FAM184A: variants seen among roughly 807,000 people sequenced by gnomAD.
FAM184A encodes the protein family with sequence similarity 184 member A.
In FAM184A, 99 loss-of-function variants were observed where a neutral mutation model predicts 143.8. That is an observed-to-expected ratio of 0.69 (90% CI 0.58 to 0.81). FAM184A has a LOEUF of 0.81. FAM184A is among the 40% of genes least tolerant of loss of function. The pLI is 0.00. For synonymous variants in FAM184A, 427 were observed against 446.4 expected (o/e 0.96, Z 0.55); for missense variants, 1,217 against 1,310.5 (o/e 0.93, Z 1.10).
chr6:118,994,586 T>C (rs1404872566), intron 9 of FAM184A, among the ~76,000 whole-genome samples: 1 of 151,914 alleles, frequency 6.6e-6, no homozygotes, highest in African/African-American at 2.4e-5. Flanking sequence ...CTTGGGAGGC[T>C]GAGGCAGGAG....
Position 119,078,248 on chromosome 6 carries a change from C to G in FAM184A, c.52G>C (p.Ala18Pro). The G allele has an allele frequency of 6.6e-7, 1 of 1,519,030 alleles. No individual in the cohort carries two copies. The highest frequency in any genetic ancestry group is 8.8e-7 in the Non-Finnish European group (1 of 1,137,194). The allele number at this position is 1,519,030 out of a possible 1,614,324, so 94.1% of individuals were successfully genotyped here. The change falls in exon 1 of 18, where the codon GCC (alanine) becomes CCC (proline). Residue 18 changes from alanine (A) to proline (P), a missense_variant. Coordinates refer to ENST00000338891, the MANE Select transcript of FAM184A (RefSeq NM_024581.6). This position sits in a 1 kb window ranked among gnomAD's most constrained non-coding sequence, Gnocchi z 5.5. The stretch of plus-strand genomic sequence containing the variant: ...GTGGCCGGCGAGGGCGCGAATTTGG[C>G]CGCCGAGCCGCCGTAATAGTGCTGC... ...WQQHYYGGSA[A>P]KFAPSPATAQ... is the part of the protein sequence containing the mutation.
intron 1 of FAM184A, among the ~76,000 whole-genome samples, chr6:119,066,576 TAG>T (rs990488158): frequency 5.3e-5 from 8 of 152,144 alleles, no homozygotes; most frequent in African/African-American, 1.7e-4. Context: ...GAAGTAAGAA[TAG>T]AGAGAGCAAA....
At chr6:119,057,306 T>C (rs1787019147) in intron 1 of FAM184A, among the ~76,000 whole-genome samples, 1 of 152,180 alleles carries the variant, frequency 6.6e-6, no homozygotes, top group Admixed American at 6.5e-5. Context: ...CATGATTATA[T>C]AGTGTAAATT....
At chr6:118,996,290 G>T (rs926686189) in intron 9 of FAM184A, among the ~76,000 whole-genome samples, 1 of 152,128 alleles carries the variant, frequency 6.6e-6, no homozygotes, top group Non-Finnish European at 1.5e-5. Flanking sequence ...TCAGTTTTTT[G>T]ATTGAAGAGA....
At chr6:119,065,244 T>G (rs1787402231) in intron 1 of FAM184A, among the ~76,000 whole-genome samples, 1 of 151,994 alleles carries the variant, frequency 6.6e-6, no homozygotes, top group South Asian at 2.1e-4. Flanking sequence ...TTCCCACCCC[T>G]CAGATCACTT....
chr6:119,034,035 TATATATAG>T (rs1364886763), intron 1 of FAM184A, among the ~76,000 whole-genome samples: 514 of 34,236 alleles, frequency 0.015, 2 homozygotes, highest in African/African-American at 0.035. Context: ...TATATATATA[TATATATAG>T]AGAGAGAGAG....
At chr6:118,984,179 T>TTA (rs1306032627) in intron 9 of FAM184A, among the ~76,000 whole-genome samples, 3,681 of 134,404 alleles carry the variant, frequency 0.027, 188 homozygotes, top group African/African-American at 0.099. Context: ...ATATATATAT[T>TTA]TATATATATA....
chr6:119,003,044 T>A lies in FAM184A; in HGVS notation c.1943A>T (p.Glu648Val). Residue 648 changes from glutamate (E) to valine (V), a missense_variant, in exon 9 of 18, where the codon GAG (glutamate) becomes GTG (valine). Coordinates refer to ENST00000338891, the MANE Select transcript of FAM184A (RefSeq NM_024581.6). The stretch of plus-strand genomic sequence containing the variant: ...TAACTCTTCACGAAGTTTAGAACAC[T>A]CTTGTCTAAAATAAAACAACTGCAT... Reference protein sequence around the residue: ...EIKWTENLRQECSKLREELRL... With the variant: ...EIKWTENLRQVCSKLREELRL... 6.3e-7 allele frequency: 1 copy of A among 1,596,696 alleles called. No homozygotes were observed. The highest frequency in any genetic ancestry group is 8.5e-7 in the Non-Finnish European group (1 of 1,175,166).
intron 1 of FAM184A, among the ~76,000 whole-genome samples, chr6:119,095,738 T>G (rs958547906): frequency 1.3e-5 from 2 of 152,152 alleles, no homozygotes. Flanking sequence ...ATTTTTATTT[T>G]TATAGAGACA....
chr6:119,033,258 G>A (rs1245314062), intron 1 of FAM184A, among the ~76,000 whole-genome samples: 1 of 152,172 alleles, frequency 6.6e-6, no homozygotes, highest in Non-Finnish European at 1.5e-5. Context: ...GCTTGCTTCG[G>A]AGGTGATGAA....
intron 1 of FAM184A, among the ~76,000 whole-genome samples, chr6:119,055,472 C>A (rs1430245851): frequency 6.6e-6 from 1 of 152,156 alleles, no homozygotes; most frequent in Non-Finnish European, 1.5e-5. Flanking sequence ...AAACTGTTTA[C>A]CAAAGTGACT....
chr6:119,022,059 T>C (rs1785466372), intron 3 of FAM184A, among the ~76,000 whole-genome samples: 1 of 141,526 alleles, frequency 7.1e-6, no homozygotes, highest in African/African-American at 2.6e-5. Context: ...CTTTCTTTTT[T>C]TTTTTTTTTT....
intron 14 of FAM184A, among the ~76,000 whole-genome samples, chr6:118,969,070 C>G (rs937682852): frequency 1.3e-5 from 2 of 152,176 alleles, no homozygotes; most frequent in African/African-American, 4.8e-5. Flanking sequence ...ATTCTCATGA[C>G]AGTAACTTCT....
In FAM184A at chr6:119,003,591, T is replaced by C. The variant is rs369569160; in HGVS notation, c.1847A>G (p.Glu616Gly). Residue 616 changes from glutamate (E) to glycine (G), a missense_variant, in exon 8 of 18, where the codon GAA (glutamate) becomes GGA (glycine). Glu to Gly is a moderately conservative substitution (Grantham distance 98, BLOSUM62 -2). Coordinates refer to ENST00000338891, the MANE Select transcript of FAM184A (RefSeq NM_024581.6). Reference sequence around the variant, plus strand: ...TTCTTTCATGGCAGCAATTGTTTCTTCATGCTGTTGCCTTTCTTGTTCTAG... The same window carrying C: ...TTCTTTCATGGCAGCAATTGTTTCTCCATGCTGTTGCCTTTCTTGTTCTAG... Reference protein sequence around the residue: ...GELEQERQQHEETIAAMKEEE... With the variant: ...GELEQERQQHGETIAAMKEEE... 3.3e-5 allele frequency: 54 copies of C among 1,612,490 alleles called. No individual in the cohort carries two copies. In the Admixed American group the frequency reaches 5.3e-4, roughly 16 times the overall value.
intron 1 of FAM184A, among the ~76,000 whole-genome samples, chr6:119,093,521 T>G (rs986424881): frequency 2.6e-5 from 4 of 152,234 alleles, no homozygotes; most frequent in Non-Finnish European, 5.9e-5. Context: ...TTTCTGTAAT[T>G]CTTTCAGCAA....
At position 119,015,464 on chromosome 6, in the gene FAM184A, C is replaced by T. The variant is rs529268168; in HGVS notation, c.1530+1283G>A. Among the ~76,000 whole-genome samples, 4 of 152,312 alleles carry T rather than the reference C, an allele frequency of 2.6e-5. No individual in the cohort carries two copies. The South Asian group carries it at 6.2e-4, about 24-fold the overall frequency. ...GCCCCGGGCAGTGAGGGGCTTAGCA[C>T]CCGGGCCAGCGGCTGCGGAGGGTGT... On this transcript the variant is annotated intron_variant, in intron 5 of 17. Transcript: ENST00000338891.
rs370507684 is a variant in FAM184A at position 119,107,891 on chromosome 6, T to C, written c.-202+41187A>G. ...GTTGGAGATGCTGTTGCTGGGCAAG[T>C]GTTCCTTGGAGAACTGCTCTTAGTA... On this transcript the variant is annotated intron_variant, in intron 1 of 16. Coordinates refer to the FAM184A transcript ENST00000352896. Among the ~76,000 whole-genome samples, 54 of 152,224 alleles carry C rather than the reference T, an allele frequency of 3.5e-4. No individual in the cohort carries two copies. The South Asian group carries it at 0.011, about 32-fold the overall frequency.
intron 1 of FAM184A, among the ~76,000 whole-genome samples, chr6:119,117,114 T>C (rs898590317): frequency 2.0e-5 from 3 of 152,068 alleles, no homozygotes; most frequent in African/African-American, 7.2e-5. Flanking sequence ...ATCATCGAGT[T>C]TGGAGGCTAG....
chr6:119,097,447 C>A (rs1788535240), intron 1 of FAM184A, among the ~76,000 whole-genome samples: 1 of 152,152 alleles, frequency 6.6e-6, no homozygotes, highest in African/African-American at 2.4e-5. Flanking sequence ...TGTCTTACTT[C>A]AGATTTCACC....
Sources: allele counts gnomAD v4.1 joint callset (sites outside exome capture counted in the v4.1 genomes callset), GRCh38; gene constraint gnomAD v4.1.1; non-coding constraint Gnocchi (gnomAD v3.1); transcripts MANE v1.5; gene names NCBI Gene and HGNC (gene_info 2026-07-23, HGNC 2026-07-21).